Variants in RARB observed in about 807,000 individuals in gnomAD.
RARB encodes the protein retinoic acid receptor beta.
RARB carries 17 observed loss-of-function variants against 51.9 expected under a neutral mutation model. That is an observed-to-expected ratio of 0.33 (90% CI 0.22 to 0.49). The LOEUF is 0.49. Ranked by LOEUF, RARB falls within the 20% of genes least tolerant of loss-of-function variation. The probability of loss-of-function intolerance (pLI) is 0.99; values close to 1 mark genes in which losing one functional copy is unlikely to be tolerated. For missense variants in RARB, 369 were observed against 550.8 expected, an observed-to-expected ratio of 0.67 and a Z score of 3.30; for synonymous variants, 215 against 195.4, an observed-to-expected ratio of 1.10 and a Z score of -0.84.
At chr3:25,180,255 G>C (rs1237721414) in intron 5 of RARB, among the ~76,000 whole-genome samples, 2 of 152,270 alleles carry the variant, frequency 1.3e-5, no homozygotes, top group African/African-American at 4.8e-5. Flanking sequence ...AGAAAAGATG[G>C]AGTAATGGTT....
At chr3:25,378,184 G>C (rs12628995) in intron 5 of RARB, among the ~76,000 whole-genome samples, 67,583 of 151,932 alleles carry the variant, frequency 0.44, 15,362 homozygotes, top group East Asian at 0.76. Context: ...CACAAGACTC[G>C]GGCATGCATG....
chr3:24,933,940 A>T lies in RARB; in HGVS notation c.-380+75188A>T, dbSNP rs1356453554. 2.6e-5 allele frequency among the ~76,000 whole-genome samples: 4 copies of T among 152,162 alleles called. No homozygotes were observed. In the South Asian group the frequency reaches 6.2e-4, roughly 24 times the overall value. The stretch of plus-strand genomic sequence containing the variant: ...CTCTGTATATTCCAACAAGGTAATC[A>T]ACTGTATACATTCTAATAAGAGAAT... On this transcript the variant is annotated intron_variant, in intron 2 of 11. Transcript: ENST00000383772.
intron 5 of RARB, among the ~76,000 whole-genome samples, chr3:25,276,433 T>G (rs1459431076): frequency 6.6e-6 from 1 of 152,212 alleles, no homozygotes; most frequent in Non-Finnish European, 1.5e-5. Flanking sequence ...TTGTGTTCAT[T>G]ACAAACAAAA....
chr3:25,010,039 A>G (rs1251198079), intron 2 of RARB, among the ~76,000 whole-genome samples: 2 of 152,026 alleles, frequency 1.3e-5, no homozygotes, highest in African/African-American at 4.8e-5. Context: ...TGACCCTTTG[A>G]CTGATTGTTT....
intron 2 of RARB, among the ~76,000 whole-genome samples, chr3:25,491,303 A>G (rs1696724774): frequency 6.6e-6 from 1 of 151,912 alleles, no homozygotes; most frequent in Non-Finnish European, 1.5e-5. Context: ...CTTTTACACT[A>G]CAAAAATAAA....
At chr3:25,198,065 C>A (rs1445328165) in intron 5 of RARB, among the ~76,000 whole-genome samples, 1 of 151,964 alleles carries the variant, frequency 6.6e-6, no homozygotes, top group Non-Finnish European at 1.5e-5. Context: ...GGTACTGGCA[C>A]AAGAACAGAC....
chr3:24,846,235 C>T (rs1035749855), intron 1 of RARB, among the ~76,000 whole-genome samples: 2 of 152,266 alleles, frequency 1.3e-5, no homozygotes, highest in Middle Eastern at 3.4e-3. Context: ...CTCAAATTCC[C>T]TAATGTGTAA....
At chr3:25,264,068 AG>A (rs1703068842) in intron 5 of RARB, among the ~76,000 whole-genome samples, 1 of 151,872 alleles carries the variant, frequency 6.6e-6, no homozygotes, top group Non-Finnish European at 1.5e-5. Flanking sequence ...AATTAGTGGC[AG>A]GGTAAACTAA....
chr3:25,216,970 G>A (rs1209990882), intron 5 of RARB, among the ~76,000 whole-genome samples: 1 of 152,058 alleles, frequency 6.6e-6, no homozygotes, highest in Admixed American at 6.6e-5. Flanking sequence ...GTTGGATCTA[G>A]AGACTTAATG....
chr3:25,301,844 T>C (rs1704049035), intron 5 of RARB, among the ~76,000 whole-genome samples: 1 of 152,188 alleles, frequency 6.6e-6, no homozygotes, highest in Non-Finnish European at 1.5e-5. Flanking sequence ...AGACCATTGG[T>C]GTCAGCACTG....
intron 5 of RARB, among the ~76,000 whole-genome samples, chr3:25,328,549 T>A (rs146696673): frequency 2.4e-4 from 37 of 151,840 alleles, no homozygotes; most frequent in African/African-American, 8.4e-4. Flanking sequence ...ATAAGTGAAA[T>A]AAGGGGGAGG....
chr3:25,325,978 G>A (rs548738813), intron 5 of RARB, among the ~76,000 whole-genome samples: 6 of 152,262 alleles, frequency 3.9e-5, no homozygotes, highest in Non-Finnish European at 5.9e-5. Flanking sequence ...GAAGCTGACT[G>A]TACATCCCCT....
intron 4 of RARB, among the ~76,000 whole-genome samples, chr3:25,135,329 A>G (rs898616643): frequency 1.5e-4 from 23 of 151,988 alleles, no homozygotes; most frequent in Non-Finnish European, 2.5e-4. Flanking sequence ...TGACTACCAT[A>G]TCGGATGACA....
intron 2 of RARB, among the ~76,000 whole-genome samples, chr3:25,014,405 G>A (rs1423374105): frequency 6.6e-6 from 1 of 152,134 alleles, no homozygotes; most frequent in Non-Finnish European, 1.5e-5. Flanking sequence ...GAGGCTACCT[G>A]TAGAGAGAAG....
chr3:25,079,947 C>T (rs1698958832), intron 3 of RARB, among the ~76,000 whole-genome samples: 1 of 152,020 alleles, frequency 6.6e-6, no homozygotes, highest in Non-Finnish European at 1.5e-5. Flanking sequence ...GGTATTATTT[C>T]TTCCTTGTAA....
chr3:25,067,889 C>A (rs1364796418), intron 3 of RARB, among the ~76,000 whole-genome samples: 15 of 151,974 alleles, frequency 9.9e-5, no homozygotes, highest in Admixed American at 9.8e-4. Flanking sequence ...GTAATCCCAG[C>A]ACTTTGGGAA....
At chr3:24,892,887 C>T (rs951240394) in intron 2 of RARB, among the ~76,000 whole-genome samples, 1 of 152,164 alleles carries the variant, frequency 6.6e-6, no homozygotes, top group Non-Finnish European at 1.5e-5. Context: ...AACCTGCCTG[C>T]CATTGGGCTA....
intron 2 of RARB, among the ~76,000 whole-genome samples, chr3:24,917,339 T>C (rs1695127828): frequency 1.3e-5 from 2 of 152,192 alleles, no homozygotes; most frequent in Admixed American, 6.5e-5. Context: ...TTAAAAAATG[T>C]ATGTTTCAAA....
At chr3:25,075,483 T>C (rs184319243) in intron 3 of RARB, among the ~76,000 whole-genome samples, 379 of 152,242 alleles carry the variant, frequency 2.5e-3, no homozygotes, top group African/African-American at 8.9e-3. Flanking sequence ...ACCCTACATG[T>C]CCCTACTTGG....
Sources: gnomAD v4.1 joint callset for allele counts (sites outside exome capture counted in the v4.1 genomes callset) on GRCh38, gnomAD v4.1.1 for gene constraint, MANE v1.5 for transcripts, NCBI Gene and HGNC (gene_info 2026-07-23, HGNC 2026-07-21) for gene names.